Variants in MYH14 observed in about 807,000 individuals in gnomAD.
The protein encoded by MYH14 is myosin heavy chain 14, also known as myosin-14.
In MYH14, 123 loss-of-function variants were observed where a neutral mutation model predicts 255.5. The observed-to-expected ratio is 0.48, with a 90% CI of 0.42 to 0.56. The LOEUF (loss-of-function observed/expected upper bound fraction) is 0.56. Ranked by LOEUF, MYH14 falls within the 20% of genes least tolerant of loss-of-function variation. The pLI, the probability that MYH14 is intolerant of heterozygous loss-of-function variation, is 0.00. For missense variants in MYH14, 2,423 were observed against 2,802.3 expected (o/e 0.86, Z 3.06); for synonymous variants, 1,095 against 1,161.2 (o/e 0.94, Z 1.16).
In MYH14 at chr19:50,226,847, G is replaced by A. The variant is rs369936363; in HGVS notation, c.811-56G>A. On this transcript the variant is annotated intron_variant, in intron 7 of 42. Coordinates refer to ENST00000642316, the MANE Select transcript of MYH14 (RefSeq NM_001145809.2). ...GTGTGGGGTTTGGGCTGTTGTTCACGTGTGAGTGGGGAAGGGGACCCTCTG... is the reference window on the plus strand; with the variant it reads ...GTGTGGGGTTTGGGCTGTTGTTCACATGTGAGTGGGGAAGGGGACCCTCTG... The A allele has an allele frequency of 1.4e-4, 211 of 1,560,618 alleles. 1 individual carries two copies. The African/African-American group carries it at 1.4e-3, about 10-fold the overall frequency.
At chr19:50,245,308 G>C (rs1008949208) in intron 11 of MYH14, among the ~76,000 whole-genome samples, 1 of 151,360 alleles carries the variant, frequency 6.6e-6, no homozygotes, top group Non-Finnish European at 1.5e-5. Context: ...AGTCCCAGCT[G>C]CTCAGGAGGC....
intron 27 of MYH14, among the ~76,000 whole-genome samples, chr19:50,274,268 G>A (rs898646109): frequency 6.6e-6 from 1 of 152,032 alleles, no homozygotes; most frequent in Non-Finnish European, 1.5e-5. Flanking sequence ...ACAATGCTGT[G>A]TAACCATCAC....
In MYH14 at chr19:50,280,034, C is replaced by A. The variant is rs755427772; in HGVS notation, c.4033-3C>A. ...GGGCTTCATTCCCGTCCCTTCCCTG[C>A]AGGCTGAACTGGAGAATGTGTCTGG... On this transcript the variant is annotated splice_region_variant and splice_polypyrimidine_tract_variant and intron_variant, in intron 30 of 42. Transcript: ENST00000642316. This position sits in a 1 kb window ranked among gnomAD's most constrained non-coding sequence, Gnocchi z 4.8. The A allele has an allele frequency of 3.7e-6, 6 of 1,603,942 alleles. No individual in the cohort carries two copies. Among genetic ancestry groups the A allele is most frequent in the Non-Finnish European group, 5.1e-6 (6 of 1,174,994 alleles).
Position 50,276,997 on chromosome 19 carries a change from C to T in MYH14, c.3825+96C>T. 1 of 894,576 alleles carries T rather than the reference C, an allele frequency of 1.1e-6. No individual in the cohort carries two copies. The highest frequency in any genetic ancestry group is 1.7e-6 in the Non-Finnish European group (1 of 585,984). The allele number at this position is 894,576 out of a possible 1,614,324, so 55.4% of individuals were successfully genotyped here. ...GTACCGCTGGCTGGTTCTAGGCTAG[C>T]TCATCTCCCTGGGCCCCTTTCCTCA... On this transcript the variant is annotated intron_variant, in intron 29 of 42. Transcript: ENST00000642316. This position sits in a 1 kb window ranked among gnomAD's most constrained non-coding sequence, Gnocchi z 4.3.
intron 11 of MYH14, 31 bp from the exon 12 acceptor site, chr19:50,246,973 C>T (rs1314282280): frequency 6.6e-7 from 1 of 1,512,808 alleles, no homozygotes; most frequent in Non-Finnish European, 9.1e-7. Context: ...CTTCCCAGTG[C>T]TGATGGAATC....
chr19:50,251,529 C>CACACT (rs2034390296), intron 15 of MYH14, among the ~76,000 whole-genome samples: 4 of 23,184 alleles, frequency 1.7e-4, no homozygotes, highest in African/African-American at 3.7e-4. Context: ...ACTACACACA[C>CACACT]ACACACACAC....
Position 50,231,980 on chromosome 19 carries a change from C to A in MYH14, c.1024C>A (p.Pro342Thr). The A allele has an allele frequency of 6.2e-7, 1 of 1,613,936 alleles. No homozygotes were observed. Among genetic ancestry groups the A allele is most frequent in the Non-Finnish European group, 8.5e-7 (1 of 1,179,906 alleles). Reference sequence around the variant, plus strand: ...CCACTACCGGTTCCTGACCAACGGGCCGTCATCCTCTCCCGGCCAGGAGCG... The same window carrying A: ...CCACTACCGGTTCCTGACCAACGGGACGTCATCCTCTCCCGGCCAGGAGCG... ...CSHYRFLTNG[P>T]SSSPGQEREL... Residue 342 changes from proline (P) to threonine (T), a missense_variant, in exon 10 of 43, where the codon CCG (proline) becomes ACG (threonine). Pro to Thr is a conservative substitution (Grantham distance 38, BLOSUM62 -1). Coordinates refer to ENST00000642316, the MANE Select transcript of MYH14 (RefSeq NM_001145809.2).
At chr19:50,305,392 A>G (rs1326455806) in intron 40 of MYH14, among the ~76,000 whole-genome samples, 1 of 152,100 alleles carries the variant, frequency 6.6e-6, no homozygotes, top group Non-Finnish European at 1.5e-5. Context: ...CTGGTGACTG[A>G]GGGAATATTG....
chr19:50,281,579 C>A lies in MYH14; in HGVS notation c.4291-15C>A. 1 of 1,561,812 alleles carries A rather than the reference C, an allele frequency of 6.4e-7. No individual in the cohort carries two copies. The highest frequency in any genetic ancestry group is 1.2e-5 in the South Asian group (1 of 83,338). On this transcript the variant is annotated splice_polypyrimidine_tract_variant and intron_variant, in intron 32 of 42. Coordinates refer to ENST00000642316, the MANE Select transcript of MYH14 (RefSeq NM_001145809.2). ...TGGCCGTGACCACCAACCACCCTCT[C>A]TCTCCTCCCCTCAGCTTTCCGAGTG...
At chr19:50,219,370 C>T (rs2032687421) in intron 3 of MYH14, among the ~76,000 whole-genome samples, 1 of 151,626 alleles carries the variant, frequency 6.6e-6, no homozygotes, top group Admixed American at 6.6e-5. Flanking sequence ...TACTGTTTTC[C>T]ATAATTAAAA....
chr19:50,280,671 T>C lies in MYH14; in HGVS notation c.4290+288T>C, dbSNP rs1257528846. On this transcript the variant is annotated intron_variant, in intron 32 of 42. Transcript: ENST00000642316. This position sits in a 1 kb window ranked among gnomAD's most constrained non-coding sequence, Gnocchi z 4.8. ...TCTTGGCCTCTGGGCCTCCAGCCTC[T>C]CCCCTAACAGCTCATCCCCTGCACA... Among the ~76,000 whole-genome samples, 1 of 151,960 alleles carries C rather than the reference T, an allele frequency of 6.6e-6. No individual in the cohort carries two copies. The highest frequency in any genetic ancestry group is 1.5e-5 in the Non-Finnish European group (1 of 67,996).
intron 10 of MYH14, among the ~76,000 whole-genome samples, chr19:50,238,185 C>T (rs960407326): frequency 5.9e-5 from 9 of 152,206 alleles, no homozygotes; most frequent in Admixed American, 2.6e-4. Context: ...ATGAGGCATC[C>T]GCAGGCTGGG....
At chr19:50,218,404 G>A (rs2032608828) in intron 3 of MYH14, among the ~76,000 whole-genome samples, 2 of 152,092 alleles carry the variant, frequency 1.3e-5, no homozygotes, top group South Asian at 4.2e-4. Context: ...AGACCATTCT[G>A]GCTAACACGG....
In MYH14 at chr19:50,286,664, G is replaced by A. The variant is rs1389083227; in HGVS notation, c.4722G>A (p.Leu1574=). 6.3e-7 allele frequency: 1 copy of A among 1,582,996 alleles called. No homozygotes were observed. Among genetic ancestry groups the A allele is most frequent in the African/African-American group, 1.3e-5 (1 of 74,572 alleles). Residue 1574 remains leucine (L), a synonymous_variant, in exon 34 of 43, where the codon CTG becomes CTA. Coordinates refer to ENST00000642316, the MANE Select transcript of MYH14 (RefSeq NM_001145809.2). ...CCCTGCGGGCTGAGCTGGAGGCACTGCTGAGCAGCAAGGATGACGTCGGCA... is the reference window on the plus strand; with the variant it reads ...CCCTGCGGGCTGAGCTGGAGGCACTACTGAGCAGCAAGGATGACGTCGGCA... ...NRALRAELEA[L]LSSKDDVGKS... is the part of the protein sequence containing the mutation.
rs766573893 is a variant in MYH14 at position 50,290,921 on chromosome 19, G to A, written c.5000G>A (p.Arg1667Gln). 1.1e-5 allele frequency: 18 copies of A among 1,578,518 alleles called. No homozygotes were observed. Among genetic ancestry groups the A allele is most frequent in the Admixed American group, 3.7e-5 (2 of 54,006 alleles). The change falls in exon 36 of 43, where the codon CGG becomes CAG. Residue 1667 changes from arginine (R) to glutamine (Q), a missense_variant. By Grantham distance (43) the Arg-to-Gln change is conservative. This residue lies in a region of MYH14 where 1,513 missense variants were observed against 1,674.8 expected (regional missense o/e 0.90). Coordinates refer to ENST00000642316, the MANE Select transcript of MYH14 (RefSeq NM_001145809.2). ...RDAEVERDEE[R>Q]KQRTLAVAAR... is the part of the protein sequence containing the mutation. ...GCAGAGGTGGAGCGGGATGAGGAGCGGAAGCAGCGCACTCTGGCCGTGGCT... is the reference window on the plus strand; with the variant it reads ...GCAGAGGTGGAGCGGGATGAGGAGCAGAAGCAGCGCACTCTGGCCGTGGCT...
At chr19:50,245,912 A>T (rs954427350) in intron 11 of MYH14, among the ~76,000 whole-genome samples, 1 of 151,684 alleles carries the variant, frequency 6.6e-6, no homozygotes, top group Non-Finnish European at 1.5e-5. Context: ...GTTATTCACA[A>T]GAAACTCTAC....
chr19:50,229,332 T>C (rs756017429), intron 8 of MYH14, among the ~76,000 whole-genome samples: 2 of 152,082 alleles, frequency 1.3e-5, no homozygotes, highest in Non-Finnish European at 2.9e-5. Context: ...AAGTGTATGG[T>C]GTTTTGGTGT....
intron 40 of MYH14, 59 bp from the exon 41 acceptor site, chr19:50,306,989 TG>T: frequency 8.0e-7 from 1 of 1,246,818 alleles, no homozygotes; most frequent in Non-Finnish European, 1.1e-6. Flanking sequence ...CATGAGTCTA[TG>T]GGGACAAAAT....
At chr19:50,241,000 A>AAC (rs1308498706) in intron 10 of MYH14, among the ~76,000 whole-genome samples, 1 of 152,142 alleles carries the variant, frequency 6.6e-6, no homozygotes, top group East Asian at 1.9e-4. Context: ...AGTCATTTGT[A>AAC]AGTGTTTGGA....
Sources: gnomAD v4.1 joint callset for allele counts (sites outside exome capture counted in the v4.1 genomes callset) on GRCh38, gnomAD v4.1.1 for gene constraint, gnomAD v4.1.1 regional missense constraint, Gnocchi (gnomAD v3.1) non-coding constraint, MANE v1.5 for transcripts, NCBI Gene and HGNC (gene_info 2026-07-23, HGNC 2026-07-21) for gene names.